VASN: variants seen among roughly 807,000 people sequenced by gnomAD.
VASN encodes protein slit-like 2.
A neutral mutation model predicts 4.8 loss-of-function variants in VASN; 5 were observed. The ratio of observed to expected loss-of-function variants is 1.03; its 90% CI spans 0.54 to 2.17. VASN has a LOEUF of 2.17. VASN is among the 30% of genes most tolerant of loss of function. VASN has a pLI of 0.01. For missense variants in VASN, 927 were observed against 948.8 expected (o/e 0.98, Z 0.30); for synonymous variants, 499 against 460.8 (o/e 1.08, Z -1.06).
At chr16:4,378,624 C>G (rs1054595270) in intron 1 of VASN, among the ~76,000 whole-genome samples, 1 of 152,076 alleles carries the variant, frequency 6.6e-6, no homozygotes, top group Admixed American at 6.5e-5. Context: ...CACGAGCCCC[C>G]CTGGGGTGGG....
At chr16:4,374,443 G>GACGGCCCCCACC (rs2054646873) in intron 1 of VASN, among the ~76,000 whole-genome samples, 2 of 152,106 alleles carry the variant, frequency 1.3e-5, no homozygotes, top group African/African-American at 4.8e-5. Flanking sequence ...CAGGGTTCGG[G>GACGGCCCCCACC]ACGGCCCCCA....
rs762818287 is a variant in VASN, at chr16:4,382,159, C to G, written c.1282C>G (p.Leu428Val). Residue 428 changes from leucine (L) to valine (V), a missense_variant, in exon 2 of 2, where the codon CTG becomes GTG. Leu to Val is a conservative substitution (Grantham distance 32). Coordinates refer to ENST00000304735, the MANE Select transcript of VASN (RefSeq NM_138440.3). ...GTCHLGTRHH[L>V]ACLCPEGFTG... ...ATGCCACCTGGGGACACGGCACCACCTGGCGTGCTTGTGCCCCGAAGGCTT... is the reference window on the plus strand; with the variant it reads ...ATGCCACCTGGGGACACGGCACCACGTGGCGTGCTTGTGCCCCGAAGGCTT... 3 of 1,593,524 alleles carry G rather than the reference C, an allele frequency of 1.9e-6. No individual in the cohort carries two copies. The highest frequency in any genetic ancestry group is 2.3e-5 in the South Asian group (2 of 88,700).
chr16:4,376,649 C>T (rs553267612), intron 1 of VASN, among the ~76,000 whole-genome samples: 58 of 152,272 alleles, frequency 3.8e-4, no homozygotes, highest in African/African-American at 1.3e-3. Context: ...TGACCCTGGG[C>T]GTGTGTGGTG....
At chr16:4,375,136 G>A (rs889249067) in intron 1 of VASN, among the ~76,000 whole-genome samples, 1 of 152,240 alleles carries the variant, frequency 6.6e-6, no homozygotes, top group Admixed American at 6.5e-5. Flanking sequence ...CACCGCCCCA[G>A]GGGCTCACTT....
intron 1 of VASN, among the ~76,000 whole-genome samples, chr16:4,379,286 G>A (rs1307704451): frequency 1.3e-5 from 2 of 152,080 alleles, no homozygotes; most frequent in South Asian, 2.1e-4. Context: ...CTGGCACCCC[G>A]TATGAGGCTC....
At position 4,380,961 on chromosome 16, in the gene VASN, C is replaced by T. The variant is rs770055327; in HGVS notation, c.84C>T (p.Cys28=). 39 of 1,602,642 alleles carry T rather than the reference C, an allele frequency of 2.4e-5. No homozygotes were observed. The Admixed American group carries it at 6.6e-4, about 27-fold the overall frequency. ...GPGVQGCPSG[C]QCSQPQTVFC... ...GGGTGCAGGGCTGCCCATCCGGCTG[C>T]CAGTGCAGCCAGCCACAGACAGTCT... is the stretch of plus-strand genomic sequence containing the variant. Residue 28 remains cysteine, a synonymous_variant, in exon 2 of 2, where the codon TGC becomes TGT. Coordinates refer to ENST00000304735, the MANE Select transcript of VASN (RefSeq NM_138440.3).
chr16:4,380,767 T>G, intron 1 of VASN, 102 bp from the exon 2 acceptor site: 2 of 1,282,076 alleles, frequency 1.6e-6, no homozygotes, highest in Non-Finnish European at 2.1e-6. Context: ...TCTCTTGCAT[T>G]TGGGGGCAGA....
In VASN at chr16:4,379,136, G is replaced by A. The variant is rs115183063; in HGVS notation, c.-9-1733G>A. Among the ~76,000 whole-genome samples the A allele has an allele frequency of 3.1e-3, 470 of 152,038 alleles. 6 individuals carry two copies. Among genetic ancestry groups the A allele is most frequent in the African/African-American group, 0.011 (446 of 41,462 alleles). On this transcript the variant is annotated intron_variant, in intron 1 of 1. Coordinates refer to ENST00000304735, the MANE Select transcript of VASN (RefSeq NM_138440.3). ...TGGACGGGTCCCCCCAGCCTGGGGCGGAGTGCAGGCTGGGTCGGGGTCGTG... is the reference window on the plus strand; with the variant it reads ...TGGACGGGTCCCCCCAGCCTGGGGCAGAGTGCAGGCTGGGTCGGGGTCGTG...
In VASN at chr16:4,381,955, A is replaced by G; in HGVS notation, c.1078A>G (p.Thr360Ala). ...CACCACCACCACAGCCACAGTGCCC[A>G]CCACGAGGCCCGTGGTGCGGGAGCC... ...PATTTTATVP[T>A]TRPVVREPTA... The change falls in exon 2 of 2, where the codon ACC (threonine) becomes GCC (alanine). Residue 360 changes from threonine to alanine, a missense_variant. By Grantham distance (58) the Thr-to-Ala change is moderately conservative. Transcript: ENST00000304735. The G allele has an allele frequency of 2.5e-6, 4 of 1,608,694 alleles. No homozygotes were observed. Among genetic ancestry groups the G allele is most frequent in the South Asian group, 1.1e-5 (1 of 90,684 alleles).
intron 1 of VASN, among the ~76,000 whole-genome samples, chr16:4,380,284 G>GGCGGCCC (rs959909482): frequency 7.2e-5 from 11 of 152,170 alleles, no homozygotes; most frequent in Non-Finnish European, 1.5e-5. Flanking sequence ...GCCACTTCCT[G>GGCGGCCC]GCGGCCCGCA....
Position 4,382,863 on chromosome 16 carries a change from C to T in VASN, c.1986C>T (p.Gly662=). The T allele has an allele frequency of 6.4e-7, 1 of 1,567,518 alleles. No individual in the cohort carries two copies. The highest frequency in any genetic ancestry group is 8.6e-7 in the Non-Finnish European group (1 of 1,158,052). Residue 662 remains glycine, a synonymous_variant, in exon 2 of 2, where the codon GGC becomes GGT. Coordinates refer to ENST00000304735, the MANE Select transcript of VASN (RefSeq NM_138440.3). ...EVPLMGFPGP[G]LQSPLHAKPY... Reference sequence around the variant, plus strand: ...CACTCATGGGCTTCCCAGGGCCTGGCCTCCAGTCACCCCTCCACGCAAAGC... The same window carrying T: ...CACTCATGGGCTTCCCAGGGCCTGGTCTCCAGTCACCCCTCCACGCAAAGC...
At position 4,382,559 on chromosome 16, in the gene VASN, C is replaced by A; in HGVS notation, c.1682C>A (p.Ser561Tyr). The A allele has an allele frequency of 6.3e-7, 1 of 1,593,496 alleles. No homozygotes were observed. Among genetic ancestry groups the A allele is most frequent in the South Asian group, 1.1e-5 (1 of 88,408 alleles). ...GCCCATACACCCCCAGCCGTCCACT[C>A]CAACCACGCCCCAGTCACCCAGGCC... ...GEAHTPPAVH[S>Y]NHAPVTQARE... Residue 561 changes from serine (S) to tyrosine (Y), a missense_variant, in exon 2 of 2, where the codon TCC (serine) becomes TAC (tyrosine). Physicochemically the swap from Ser to Tyr is moderately radical, Grantham distance 144. Coordinates refer to ENST00000304735, the MANE Select transcript of VASN (RefSeq NM_138440.3).
At chr16:4,375,721 C>G (rs1272817802) in intron 1 of VASN, among the ~76,000 whole-genome samples, 1 of 152,212 alleles carries the variant, frequency 6.6e-6, no homozygotes, top group African/African-American at 2.4e-5. Flanking sequence ...ATCTCCTGAC[C>G]TCGTGATCGT....
chr16:4,377,061 T>C (rs1325996299), intron 1 of VASN, among the ~76,000 whole-genome samples: 2 of 152,052 alleles, frequency 1.3e-5, no homozygotes, highest in Admixed American at 1.3e-4. Flanking sequence ...CACTGCACAA[T>C]GGGGGCTGAG....
chr16:4,380,548 C>CT (rs1020238033), intron 1 of VASN, among the ~76,000 whole-genome samples: 17 of 152,212 alleles, frequency 1.1e-4, no homozygotes, highest in African/African-American at 3.9e-4. Flanking sequence ...TGGTCCATCT[C>CT]TGAGGCAGGG....
rs142581030 is a variant in VASN, at chr16:4,380,988, C to T, written c.111C>T (p.Phe37=). The change falls in exon 2 of 2, where the codon TTC becomes TTT. Residue 37 remains phenylalanine (F), a synonymous_variant. Coordinates refer to ENST00000304735, the MANE Select transcript of VASN (RefSeq NM_138440.3). ...AGTGCAGCCAGCCACAGACAGTCTT[C>T]TGCACTGCCCGCCAGGGGACCACGG... is the stretch of plus-strand genomic sequence containing the variant. The part of the protein sequence containing the change: ...GCQCSQPQTV[F]CTARQGTTVP... 76 of 1,607,778 alleles carry T rather than the reference C, an allele frequency of 4.7e-5. No individual in the cohort carries two copies. In the African/African-American group the frequency reaches 9.1e-4, roughly 19 times the overall value.
At position 4,383,014 on chromosome 16, in the gene VASN, A is replaced by C. The variant is rs997877325; in HGVS notation, c.*115A>C. On this transcript the variant is annotated 3_prime_UTR_variant, in exon 2 of 2. Transcript: ENST00000304735. ...CCCAACCTCGGGGATGTGTGCAGAC[A>C]GGGCTGTGTGACCACAGCTGGGCCC... 32 of 1,186,456 alleles carry C rather than the reference A, an allele frequency of 2.7e-5. No individual in the cohort carries two copies. The African/African-American group carries it at 4.5e-4, about 17-fold the overall frequency. The allele number at this position is 1,186,456 out of a possible 1,614,324, so 73.5% of individuals were successfully genotyped here.
At position 4,383,241 on chromosome 16, in the gene VASN, C is replaced by G. The variant is rs2055067593; in HGVS notation, c.*342C>G. On this transcript the variant is annotated 3_prime_UTR_variant, in exon 2 of 2. Coordinates refer to ENST00000304735, the MANE Select transcript of VASN (RefSeq NM_138440.3). ...TGGGCTCTCCCACTCCAGGCGGACC[C>G]TGGGGGCCAGTGAAGGAAGCTCCCG... 3.3e-6 allele frequency: 1 copy of G among 300,690 alleles called. No individual in the cohort carries two copies. The highest frequency in any genetic ancestry group is 1.6e-4 in the South Asian group (1 of 6,364). The allele number at this position is 300,690 out of a possible 1,614,324, so 18.6% of individuals were successfully genotyped here.
Position 4,383,178 on chromosome 16 carries a change from GC to G in VASN, c.*282del. 2.4e-6 allele frequency: 1 copy of G among 412,776 alleles called. No individual in the cohort carries two copies. Among genetic ancestry groups the G allele is most frequent in the Middle Eastern group, 6.6e-4 (1 of 1,516 alleles). 25.6% of individuals were successfully genotyped at this position (412,776 alleles called of 1,614,324 possible). On this transcript the variant is annotated 3_prime_UTR_variant, in exon 2 of 2. Transcript: ENST00000304735. ...AACGTGCAGTCCCTGGGCACGGCGGGCCCTGCCATGTGCTGGTAACGCATGC... is the reference window on the plus strand; with the variant it reads ...AACGTGCAGTCCCTGGGCACGGCGGGCCTGCCATGTGCTGGTAACGCATGC...
Sources: gnomAD v4.1 joint callset for allele counts (sites outside exome capture counted in the v4.1 genomes callset) on GRCh38, gnomAD v4.1.1 for gene constraint, MANE v1.5 for transcripts, NCBI Gene and HGNC (gene_info 2026-07-23, HGNC 2026-07-21) for gene names.